The following COA8 variants were observed in gnomAD, a reference collection of about 807,000 sequenced individuals.
COA8 encodes the protein UPF0671 protein C14orf153.
Under a neutral mutation model 22.0 loss-of-function variants are expected in COA8, and 20 were observed. That is an observed-to-expected ratio of 0.91 (90% CI 0.64 to 1.32). The LOEUF (loss-of-function observed/expected upper bound fraction) is 1.32, where lower values mean the gene tolerates loss of function less well. Ranked by LOEUF, COA8 falls within the 40% of genes most tolerant of loss-of-function variation. The probability of loss-of-function intolerance (pLI) is 0.00; values close to 1 mark genes in which losing one functional copy is unlikely to be tolerated. For missense variants in COA8, 266 were observed against 230.0 expected (o/e 1.16, Z -1.01); for synonymous variants, 105 against 79.9 (o/e 1.31, Z -1.68).
chr14:103,576,474 A>G (rs542464268), intron 3 of COA8, among the ~76,000 whole-genome samples: 1 of 152,332 alleles, frequency 6.6e-6, no homozygotes, highest in South Asian at 2.1e-4. Context: ...TAAAAGCTGA[A>G]AACGTCTGTG....
chr14:103,572,923 C>T (rs1033589161), intron 2 of COA8, among the ~76,000 whole-genome samples: 4 of 151,800 alleles, frequency 2.6e-5, no homozygotes, highest in African/African-American at 9.7e-5. Flanking sequence ...GCTGGGATTA[C>T]AGGCACACAC....
intron 3 of COA8, among the ~76,000 whole-genome samples, chr14:103,586,230 C>T (rs2076306117): frequency 1.2e-5 from 1 of 84,526 alleles, no homozygotes; most frequent in South Asian, 3.7e-4. Flanking sequence ...TTTAACGAGA[C>T]AGGGTCTGGC....
chr14:103,563,395 C>T (rs995169022), intron 1 of COA8: 9 of 611,370 alleles, frequency 1.5e-5, no homozygotes, highest in South Asian at 1.3e-4. Context: ...TTTGTACCTA[C>T]CTTATTTGTT....
intron 3 of COA8, chr14:103,574,380 C>T (rs761204824): frequency 1.3e-4 from 96 of 724,786 alleles, no homozygotes; most frequent in Non-Finnish European, 1.7e-4. Flanking sequence ...CCTTTCTCTC[C>T]GGATTTTAGG....
At chr14:103,588,475 A>T (rs372757093) in intron 4 of COA8, among the ~76,000 whole-genome samples, 12 of 136,772 alleles carry the variant, frequency 8.8e-5, no homozygotes, top group Non-Finnish European at 1.6e-4. Flanking sequence ...GTAAGTAATT[A>T]AAAAAATATA....
At chr14:103,563,876 TGGAC>T (rs2076113354) in intron 1 of COA8, among the ~76,000 whole-genome samples, 2 of 152,208 alleles carry the variant, frequency 1.3e-5, no homozygotes, top group Non-Finnish European at 2.9e-5. Context: ...AATTAAAAAT[TGGAC>T]GGGCTCCGTG....
intron 1 of COA8, among the ~76,000 whole-genome samples, chr14:103,570,522 C>T (rs1640353640): frequency 6.6e-6 from 1 of 152,134 alleles, no homozygotes; most frequent in Non-Finnish European, 1.5e-5. Flanking sequence ...CACCTGAGGT[C>T]AGGAGTTCAA....
At chr14:103,582,539 A>G (rs981173067) in intron 3 of COA8, among the ~76,000 whole-genome samples, 2 of 152,180 alleles carry the variant, frequency 1.3e-5, no homozygotes, top group Non-Finnish European at 2.9e-5. Context: ...CCTAGGATGC[A>G]TTCAAGTTAG....
chr14:103,587,405 C>A lies in COA8; in HGVS notation c.476+41C>A, dbSNP rs757830782. The A allele has an allele frequency of 3.6e-6, 5 of 1,394,152 alleles. No homozygotes were observed. The South Asian group carries it at 3.7e-5, about 10-fold the overall frequency. 86.4% of individuals were successfully genotyped at this position (1,394,152 alleles called of 1,614,324 possible). ...TTTCCTGAAAATTTGAATAGCACAT[C>A]CAGATTAGGTAGGAGTGTTTTCTTA... is the stretch of plus-strand genomic sequence containing the variant. On this transcript the variant is annotated intron_variant, in intron 4 of 4. Coordinates refer to ENST00000409074, the MANE Select transcript of COA8 (RefSeq NM_001370595.2).
chr14:103,572,818 C>G (rs2076198955), intron 2 of COA8, among the ~76,000 whole-genome samples: 1 of 150,966 alleles, frequency 6.6e-6, no homozygotes, highest in Non-Finnish European at 1.5e-5. Flanking sequence ...GAGTCTCGCT[C>G]TGTCACCAAG....
At chr14:103,568,970 C>T (rs2076159852) in intron 1 of COA8, among the ~76,000 whole-genome samples, 2 of 152,100 alleles carry the variant, frequency 1.3e-5, no homozygotes, top group Admixed American at 1.3e-4. Flanking sequence ...GTTAACTCCC[C>T]TCCCAGACCC....
In COA8 at chr14:103,590,356, C is replaced by G. The variant is rs1032542726; in HGVS notation, c.*70C>G. On this transcript the variant is annotated 3_prime_UTR_variant, in exon 5 of 5. Coordinates refer to ENST00000409074, the MANE Select transcript of COA8 (RefSeq NM_001370595.2). Reference sequence around the variant, plus strand: ...AGATGGAGCTCCTTTCACAGGGGCTCTGAGAAAAACTGGAGCTGATCTCAA... The same window carrying G: ...AGATGGAGCTCCTTTCACAGGGGCTGTGAGAAAAACTGGAGCTGATCTCAA... The G allele has an allele frequency of 9.8e-5, 135 of 1,380,176 alleles. No individual in the cohort carries two copies. Among genetic ancestry groups the G allele is most frequent in the Non-Finnish European group, 1.2e-4 (122 of 992,016 alleles). 85.5% of individuals were successfully genotyped at this position (1,380,176 alleles called of 1,614,324 possible).
chr14:103,575,764 A>G (rs1281356813), intron 3 of COA8, among the ~76,000 whole-genome samples: 1 of 152,106 alleles, frequency 6.6e-6, no homozygotes, highest in South Asian at 2.1e-4. Flanking sequence ...CAGTGGCACC[A>G]TCTAGGCTTA....
At chr14:103,586,715 A>T (rs1371557112) in intron 3 of COA8, among the ~76,000 whole-genome samples, 1 of 148,116 alleles carries the variant, frequency 6.8e-6, no homozygotes, top group African/African-American at 2.5e-5. Context: ...GCTCATTGTA[A>T]CCTCTGCCAC....
intron 3 of COA8, among the ~76,000 whole-genome samples, chr14:103,585,521 C>A (rs2076299437): frequency 6.6e-6 from 1 of 150,496 alleles, no homozygotes; most frequent in African/African-American, 2.4e-5. Flanking sequence ...CGATACTAGA[C>A]CTTTATTAGA....
At chr14:103,577,146 C>T (rs978677113) in intron 3 of COA8, among the ~76,000 whole-genome samples, 10 of 152,192 alleles carry the variant, frequency 6.6e-5, no homozygotes, top group African/African-American at 2.4e-4. Flanking sequence ...TCTCGGCTCA[C>T]TGCAGTCTCC....
At chr14:103,568,444 T>C (rs560875719) in intron 1 of COA8, among the ~76,000 whole-genome samples, 157 of 151,692 alleles carry the variant, frequency 1.0e-3, no homozygotes, top group African/African-American at 3.2e-3. Flanking sequence ...TATATATATA[T>C]ACACACACAT....
At chr14:103,572,611 TC>T (rs576012314) in intron 2 of COA8, among the ~76,000 whole-genome samples, 261 of 151,942 alleles carry the variant, frequency 1.7e-3, no homozygotes, top group Middle Eastern at 6.8e-3. Context: ...ATGCCTGTGA[TC>T]CCCATGACTT....
intron 3 of COA8, among the ~76,000 whole-genome samples, chr14:103,583,541 C>G (rs529538655): frequency 5.6e-5 from 3 of 53,104 alleles, no homozygotes; most frequent in African/African-American, 1.5e-4. Flanking sequence ...GACTCGATCT[C>G]AAAAAAAAAA....
Sources: allele counts gnomAD v4.1 joint callset (sites outside exome capture counted in the v4.1 genomes callset), GRCh38; gene constraint gnomAD v4.1.1; transcripts MANE v1.5; gene names NCBI Gene and HGNC (gene_info 2026-07-23, HGNC 2026-07-21).